TNR: variants seen among roughly 807,000 people sequenced by gnomAD.
TNR encodes the protein tenascin-R.
TNR carries 45 observed loss-of-function variants against 150.4 expected under a neutral mutation model. The observed-to-expected ratio is 0.30, with a 90% CI of 0.24 to 0.38. The LOEUF (loss-of-function observed/expected upper bound fraction) is 0.38. TNR is among the 10% of genes least tolerant of loss of function. The probability of loss-of-function intolerance (pLI) is 1.00; values close to 1 mark genes in which losing one functional copy is unlikely to be tolerated. For synonymous variants in TNR, 687 were observed against 678.4 expected (o/e 1.01, Z -0.20); for missense variants, 1,544 against 1,759.1 (o/e 0.88, Z 2.19).
chr1:175,334,953 G>A lies in TNR; in HGVS notation c.3631+758C>T, dbSNP rs896704080. Among the ~76,000 whole-genome samples the A allele has an allele frequency of 5.9e-5, 9 of 152,342 alleles. No homozygotes were observed. In the East Asian group the frequency reaches 1.3e-3, roughly 23 times the overall value. On this transcript the variant is annotated intron_variant, in intron 20 of 22. Coordinates refer to ENST00000367674, the MANE Select transcript of TNR (RefSeq NM_003285.3). Reference sequence around the variant, plus strand: ...GGTGGTCCTAGAGGCAGAGAGGCCGGTAAGAAGCTTGTTATCTAGGCACCC... The same window carrying A: ...GGTGGTCCTAGAGGCAGAGAGGCCGATAAGAAGCTTGTTATCTAGGCACCC...
chr1:175,481,264 A>C (rs774006839), intron 2 of TNR, among the ~76,000 whole-genome samples: 5 of 152,214 alleles, frequency 3.3e-5, no homozygotes, highest in Non-Finnish European at 7.3e-5. Flanking sequence ...ATGAATGTGA[A>C]TTATCTAGAC....
At chr1:175,620,295 C>G (rs1663927141) in intron 1 of TNR, among the ~76,000 whole-genome samples, 1 of 152,178 alleles carries the variant, frequency 6.6e-6, no homozygotes, top group Admixed American at 6.5e-5. Context: ...ACCAACCCCA[C>G]AGTTATTGAG....
chr1:175,443,377 C>G (rs1158656782), intron 2 of TNR, among the ~76,000 whole-genome samples: 2 of 152,152 alleles, frequency 1.3e-5, no homozygotes, highest in Non-Finnish European at 2.9e-5. Context: ...AGGCGTGAAT[C>G]CTGGCCTAGG....
intron 2 of TNR, among the ~76,000 whole-genome samples, chr1:175,442,179 T>A (rs187997214): frequency 8.4e-4 from 128 of 152,328 alleles, no homozygotes; most frequent in African/African-American, 2.9e-3. Flanking sequence ...CTCCTTTTTT[T>A]AATATCTTAT....
At chr1:175,623,120 T>C (rs1036257532) in intron 1 of TNR, among the ~76,000 whole-genome samples, 4 of 152,232 alleles carry the variant, frequency 2.6e-5, no homozygotes, top group African/African-American at 9.6e-5. Context: ...AACTTGTCTC[T>C]CATGGGATCC....
intron 1 of TNR, among the ~76,000 whole-genome samples, chr1:175,642,591 G>C (rs1255790501): frequency 6.6e-6 from 1 of 152,180 alleles, no homozygotes; most frequent in Non-Finnish European, 1.5e-5. Flanking sequence ...TGCGGGGAGA[G>C]TGAAGACCTG....
chr1:175,337,982 T>C (rs1275137685), intron 18 of TNR, among the ~76,000 whole-genome samples: 2 of 152,222 alleles, frequency 1.3e-5, no homozygotes, highest in Non-Finnish European at 2.9e-5. Flanking sequence ...CAGTTGGGCG[T>C]CAGTTTTCTT....
At chr1:175,497,747 T>G (rs985583668) in intron 2 of TNR, among the ~76,000 whole-genome samples, 1 of 152,162 alleles carries the variant, frequency 6.6e-6, no homozygotes, top group Non-Finnish European at 1.5e-5. Context: ...TGTTAGGTAA[T>G]AATCACCAGT....
chr1:175,374,792 C>T (rs763117062), intron 9 of TNR, among the ~76,000 whole-genome samples: 18 of 152,270 alleles, frequency 1.2e-4, no homozygotes, highest in African/African-American at 3.9e-4. Context: ...GTAAGGGGTG[C>T]GATGAACGGG....
At chr1:175,641,870 G>A (rs545642962) in intron 1 of TNR, among the ~76,000 whole-genome samples, 2 of 152,268 alleles carry the variant, frequency 1.3e-5, no homozygotes, top group African/African-American at 4.8e-5. Flanking sequence ...GAGTCTATCA[G>A]TACAGGAAGA....
rs1049354120 is a variant in TNR at position 175,565,580 on chromosome 1, T to C, written c.-164-37211A>G. On this transcript the variant is annotated intron_variant, in intron 1 of 22. Coordinates refer to ENST00000367674, the MANE Select transcript of TNR (RefSeq NM_003285.3). ...GGGTGCAGGGAAATCGGAACACTTATACATTGTTGGCATAATACTTTTGGA... is the reference window on the plus strand; with the variant it reads ...GGGTGCAGGGAAATCGGAACACTTACACATTGTTGGCATAATACTTTTGGA... Among the ~76,000 whole-genome samples, 6 of 152,326 alleles carry C rather than the reference T, an allele frequency of 3.9e-5. No individual in the cohort carries two copies. The South Asian group carries it at 1.0e-3, about 26-fold the overall frequency.
intron 1 of TNR, among the ~76,000 whole-genome samples, chr1:175,654,326 TC>T (rs1665104203): frequency 6.6e-6 from 1 of 152,308 alleles, no homozygotes; most frequent in Non-Finnish European, 1.5e-5. Context: ...GTAGTACTTG[TC>T]ATAGATAACA....
At chr1:175,355,433 C>A in intron 17 of TNR, 70 bp downstream of exon 17, 1 of 1,580,110 alleles carries the variant, frequency 6.3e-7, no homozygotes, top group Non-Finnish European at 8.6e-7. Context: ...CCTGTGGTCA[C>A]TCCACTAGTC....
intron 2 of TNR, among the ~76,000 whole-genome samples, chr1:175,515,857 G>GTGTA (rs1022530446): frequency 1.6e-4 from 24 of 152,290 alleles, no homozygotes; most frequent in African/African-American, 4.8e-4. Context: ...CTAAACTAAA[G>GTGTA]TGTATTCTAA....
chr1:175,685,560 G>T (rs1348970719), intron 1 of TNR, among the ~76,000 whole-genome samples: 1 of 152,244 alleles, frequency 6.6e-6, no homozygotes, highest in Non-Finnish European at 1.5e-5. Context: ...TCTCTCAAAT[G>T]GGTGTCCATG....
chr1:175,324,600 G>A (rs1264799340), intron 21 of TNR, 81 bp from the exon 22 acceptor site: 1 of 1,503,520 alleles, frequency 6.7e-7, no homozygotes, highest in Non-Finnish European at 9.1e-7. Flanking sequence ...CCCACTTCCA[G>A]CAAACCTGGC....
At chr1:175,487,866 C>T (rs890340439) in intron 2 of TNR, among the ~76,000 whole-genome samples, 1 of 152,138 alleles carries the variant, frequency 6.6e-6, no homozygotes, top group Non-Finnish European at 1.5e-5. Flanking sequence ...CTCCTGATCA[C>T]TTATCAGGAA....
intron 1 of TNR, among the ~76,000 whole-genome samples, chr1:175,655,883 T>C (rs1665155954): frequency 6.6e-6 from 1 of 152,066 alleles, no homozygotes; most frequent in African/African-American, 2.4e-5. Context: ...TCCTTGGGGA[T>C]AGATGGGGAG....
intron 1 of TNR, among the ~76,000 whole-genome samples, chr1:175,606,651 G>A (rs114292396): frequency 2.0e-5 from 3 of 152,240 alleles, no homozygotes; most frequent in African/African-American, 4.8e-5. Context: ...CTTGTCCAGA[G>A]CAGCTCTGTT....
Sources: allele counts gnomAD v4.1 joint callset (sites outside exome capture counted in the v4.1 genomes callset), GRCh38; gene constraint gnomAD v4.1.1; transcripts MANE v1.5; gene names NCBI Gene and HGNC (gene_info 2026-07-23, HGNC 2026-07-21).